EPHA5: variants seen among roughly 807,000 people sequenced by gnomAD.
EPHA5 encodes ephrin type-A receptor 5.
In EPHA5, 60 loss-of-function variants were observed where a neutral mutation model predicts 105.0. That is an observed-to-expected ratio of 0.57 (90% CI 0.46 to 0.71). The LOEUF is 0.71. Among genes scored for constraint, EPHA5 ranks in the 30% least tolerant of loss-of-function variants. The probability of loss-of-function intolerance (pLI) is 0.00; values close to 1 mark genes in which losing one functional copy is unlikely to be tolerated. For missense variants in EPHA5, 1,218 were observed against 1,274.7 expected, an observed-to-expected ratio of 0.96 and a Z score of 0.68; for synonymous variants, 513 against 449.1, an observed-to-expected ratio of 1.14 and a Z score of -1.80.
chr4:65,322,455 A>T lies in EPHA5; in HGVS notation c.*1659T>A, dbSNP rs1719710361. On this transcript the variant is annotated 3_prime_UTR_variant, in exon 17 of 17. Transcript: ENST00000613740. ...TGTACTATTAACATTGATAATCATG[A>T]GTAGGCTGTATTTTATTTAAATGCT... The T allele has an allele frequency of 8.8e-6, 2 of 226,052 alleles. No homozygotes were observed. The highest frequency in any genetic ancestry group is 3.6e-4 in the South Asian group (2 of 5,480). The allele number at this position is 226,052 out of a possible 1,614,324, so 14.0% of individuals were successfully genotyped here. A position where few individuals can be genotyped will look rare whatever the true frequency, so the allele number is the denominator to read the frequency against.
chr4:65,363,133 A>G (rs28465664), intron 11 of EPHA5, among the ~76,000 whole-genome samples: 5,095 of 151,548 alleles, frequency 0.034, 278 homozygotes, highest in African/African-American at 0.12. Context: ...AGGGCAAAAT[A>G]TAAGGTACTT....
At position 65,543,367 on chromosome 4, in the gene EPHA5, A is replaced by G. The variant is rs188119501; in HGVS notation, c.911-47824T>C. 7.9e-5 allele frequency among the ~76,000 whole-genome samples: 12 copies of G among 152,212 alleles called. No individual in the cohort carries two copies. The East Asian group carries it at 2.3e-3, about 29-fold the overall frequency. ...ACTCCTTACTCTGATAAGTAACTTC[A>G]GCAAACTCTCAGGATACAAAAATCC... is the stretch of plus-strand genomic sequence containing the variant. On this transcript the variant is annotated intron_variant, in intron 3 of 16. Transcript: ENST00000613740.
intron 5 of EPHA5, among the ~76,000 whole-genome samples, chr4:65,421,470 T>C (rs1723938880): frequency 6.6e-6 from 1 of 152,148 alleles, no homozygotes; most frequent in African/African-American, 2.4e-5. Context: ...TGAATATATT[T>C]TGTTCAGTAG....
intron 3 of EPHA5, among the ~76,000 whole-genome samples, chr4:65,504,599 G>A (rs1436454234): frequency 6.6e-6 from 1 of 151,894 alleles, no homozygotes; most frequent in Non-Finnish European, 1.5e-5. Context: ...GTGATGTGAT[G>A]GTGTATGTCT....
chr4:65,447,717 C>T (rs186135132), intron 5 of EPHA5, among the ~76,000 whole-genome samples: 4 of 151,666 alleles, frequency 2.6e-5, no homozygotes, highest in African/African-American at 9.7e-5. Flanking sequence ...GTGAAAAGTG[C>T]ATTCATTGGA....
At chr4:65,466,437 C>T (rs10027348) in intron 5 of EPHA5, among the ~76,000 whole-genome samples, 132,914 of 152,234 alleles carry the variant, frequency 0.87, 58,261 homozygotes, top group Middle Eastern at 0.93. Context: ...ACTATGTCTC[C>T]CATTCTGAGT....
At chr4:65,434,861 G>A (rs1480274522) in intron 5 of EPHA5, among the ~76,000 whole-genome samples, 1 of 151,930 alleles carries the variant, frequency 6.6e-6, no homozygotes, top group East Asian at 1.9e-4. Context: ...TACCCAACCA[G>A]GACACCCTGT....
chr4:65,562,554 A>C (rs971660891), intron 3 of EPHA5, among the ~76,000 whole-genome samples: 1 of 152,062 alleles, frequency 6.6e-6, no homozygotes, highest in African/African-American at 2.4e-5. Context: ...AAAAATTCAT[A>C]AGAGAATGTT....
intron 14 of EPHA5, among the ~76,000 whole-genome samples, chr4:65,342,727 A>T (rs1026046144): frequency 6.6e-6 from 1 of 151,894 alleles, no homozygotes; most frequent in South Asian, 2.1e-4. Flanking sequence ...TAAAAGGAAT[A>T]TGTATATGAG....
rs1349098242 is a variant in EPHA5, at chr4:65,321,454, GGAAACAAA to G, written c.*2652_*2659del. 1.3e-5 allele frequency: 3 copies of G among 229,786 alleles called. No homozygotes were observed. The East Asian group carries it at 1.8e-4, about 14-fold the overall frequency. 14.2% of individuals were successfully genotyped at this position (229,786 alleles called of 1,614,324 possible). ...TTTCCAATTGGTGACATATACAATA[GGAAACAAA>G]TATTTTAGGAAGGCATTCTTTCCTC... On this transcript the variant is annotated 3_prime_UTR_variant, in exon 17 of 17. Coordinates refer to ENST00000613740, the MANE Select transcript of EPHA5 (RefSeq NM_001281766.3).
chr4:65,547,691 G>T (rs1737516425), intron 3 of EPHA5, among the ~76,000 whole-genome samples: 1 of 152,096 alleles, frequency 6.6e-6, no homozygotes. Context: ...TTCCCTAGGA[G>T]TATTTGTTGA....
At chr4:65,652,946 G>A (rs971304449) in intron 1 of EPHA5, among the ~76,000 whole-genome samples, 2 of 151,518 alleles carry the variant, frequency 1.3e-5, no homozygotes, top group Admixed American at 1.3e-4. Context: ...TGTTAATGGG[G>A]GCAAAATAGG....
At chr4:65,524,290 C>A (rs1735030286) in intron 3 of EPHA5, among the ~76,000 whole-genome samples, 1 of 151,758 alleles carries the variant, frequency 6.6e-6, no homozygotes, top group Non-Finnish European at 1.5e-5. Context: ...AAAAAAGATA[C>A]TGTGCTTTGT....
At chr4:65,425,281 G>T (rs901007603) in intron 5 of EPHA5, among the ~76,000 whole-genome samples, 3 of 151,996 alleles carry the variant, frequency 2.0e-5, no homozygotes, top group African/African-American at 7.2e-5. Flanking sequence ...TTTTACATTT[G>T]ATTCTATAGG....
At chr4:65,348,011 AG>A (rs781294025) in intron 14 of EPHA5, 42 bp downstream of exon 14, 1 of 1,511,928 alleles carries the variant, frequency 6.6e-7, no homozygotes, top group South Asian at 1.3e-5. Flanking sequence ...CAGAGAACAA[AG>A]CATTTCATTG....
In EPHA5 at chr4:65,476,123, A is replaced by AGT. The variant is rs1457344941; in HGVS notation, c.1402+14253_1402+14254insAC. ...CTGAGAGAGAGAGAGAGAGAGAGAG[A>AGT]GAGAGTGTGTGTGTGTGTGTGTGTG... On this transcript the variant is annotated intron_variant, in intron 5 of 16. Transcript: ENST00000613740. Among the ~76,000 whole-genome samples, 839 of 130,038 alleles carry AGT rather than the reference A, an allele frequency of 6.5e-3. 4 individuals carry two copies. The highest frequency in any genetic ancestry group is 8.5e-3 in the Non-Finnish European group (508 of 59,714). The allele number at this position is 130,038 out of a possible 152,430, so 85.3% of individuals were successfully genotyped here. A position where few individuals can be genotyped will look rare whatever the true frequency, so the allele number is the denominator to read the frequency against.
chr4:65,428,287 A>G (rs1048852146), intron 5 of EPHA5, among the ~76,000 whole-genome samples: 1 of 152,148 alleles, frequency 6.6e-6, no homozygotes, highest in Non-Finnish European at 1.5e-5. Flanking sequence ...TATACCCTTT[A>G]TATTTTTATA....
intron 4 of EPHA5, among the ~76,000 whole-genome samples, chr4:65,491,567 A>G (rs956617581): frequency 2.6e-5 from 4 of 152,106 alleles, no homozygotes; most frequent in Non-Finnish European, 5.9e-5. Flanking sequence ...AACTACGAAT[A>G]GCTTTCAGGA....
At chr4:65,398,806 C>T (rs976104154) in intron 8 of EPHA5, among the ~76,000 whole-genome samples, 4 of 152,122 alleles carry the variant, frequency 2.6e-5, no homozygotes, top group African/African-American at 9.7e-5. Context: ...GAGAGCTGCA[C>T]TCACTGGGAT....
Sources: allele counts gnomAD v4.1 joint callset (sites outside exome capture counted in the v4.1 genomes callset), GRCh38; gene constraint gnomAD v4.1.1; transcripts MANE v1.5; gene names NCBI Gene and HGNC (gene_info 2026-07-23, HGNC 2026-07-21).